The following MDGA2 variants were observed in gnomAD, a reference collection of about 807,000 sequenced individuals.
The protein encoded by MDGA2 is MAM domain containing glycosylphosphatidylinositol anchor 2, also known as MAM domain-containing glycosylphosphatidylinositol anchor protein 2.
In MDGA2, 40 loss-of-function variants were observed where a neutral mutation model predicts 117.8. The observed-to-expected ratio is 0.34, with a 90% confidence interval of 0.26 to 0.44. The LOEUF is 0.44. Among genes scored for constraint, MDGA2 ranks in the 20% least tolerant of loss-of-function variants. The probability of loss-of-function intolerance (pLI) is 1.00; values close to 1 mark genes in which losing one functional copy is unlikely to be tolerated. For synonymous variants in MDGA2, 452 were observed against 439.0 expected, an observed-to-expected ratio of 1.03 and a Z score of -0.37; for missense variants, 1,123 against 1,250.6, an observed-to-expected ratio of 0.90 and a Z score of 1.54.
intron 9 of MDGA2, among the ~76,000 whole-genome samples, chr14:46,953,438 G>A (rs191690374): frequency 6.6e-6 from 1 of 151,744 alleles, no homozygotes; most frequent in Non-Finnish European, 1.5e-5. Context: ...TGCACTTTCT[G>A]GAAGTTAGAA....
intron 1 of MDGA2, among the ~76,000 whole-genome samples, chr14:47,606,017 G>T (rs753931882): frequency 1.3e-5 from 2 of 152,084 alleles, no homozygotes; most frequent in African/African-American, 2.4e-5. Flanking sequence ...AATGGTGCCT[G>T]TTGCCCAAAT....
intron 14 of MDGA2, among the ~76,000 whole-genome samples, chr14:46,866,462 C>T (rs1412503571): frequency 2.6e-5 from 4 of 152,208 alleles, no homozygotes; most frequent in East Asian, 1.9e-4. Flanking sequence ...TAGGCATTAC[C>T]ATTCAGGACA....
intron 8 of MDGA2, among the ~76,000 whole-genome samples, chr14:47,000,666 A>T (rs1887499861): frequency 1.3e-5 from 2 of 151,366 alleles, no homozygotes; most frequent in Admixed American, 6.6e-5. Context: ...CATAAGTTCA[A>T]ATATTAGGTA....
intron 10 of MDGA2, among the ~76,000 whole-genome samples, chr14:46,899,536 CA>C (rs1355638351): frequency 6.6e-6 from 1 of 151,278 alleles, no homozygotes; most frequent in African/African-American, 2.4e-5. Flanking sequence ...ATGTGCTCAC[CA>C]AAAGAATATG....
chr14:47,475,531 G>A (rs1161377779), intron 1 of MDGA2, among the ~76,000 whole-genome samples: 5 of 152,122 alleles, frequency 3.3e-5, no homozygotes, highest in Admixed American at 1.3e-4. Context: ...GCACGTGTAT[G>A]TTCATTGAAG....
chr14:47,486,244 C>G (rs564972200), intron 1 of MDGA2, among the ~76,000 whole-genome samples: 30 of 152,304 alleles, frequency 2.0e-4, no homozygotes, highest in African/African-American at 7.0e-4. Context: ...CAAAGGAGAT[C>G]ATTTTGCAAC....
intron 1 of MDGA2, among the ~76,000 whole-genome samples, chr14:47,477,295 C>T (rs1021069741): frequency 6.6e-6 from 1 of 151,828 alleles, no homozygotes; most frequent in Non-Finnish European, 1.5e-5. Context: ...AGTTTTTAGT[C>T]ATTTTATTTG....
At chr14:47,672,236 T>G (rs2138320533) in intron 1 of MDGA2, among the ~76,000 whole-genome samples, 1 of 152,352 alleles carries the variant, frequency 6.6e-6, no homozygotes, top group South Asian at 2.1e-4. Context: ...GAATACTGAT[T>G]AATATTTTTC....
intron 2 of MDGA2, among the ~76,000 whole-genome samples, chr14:47,252,629 A>C (rs2139646392): frequency 6.6e-6 from 1 of 152,336 alleles, no homozygotes; most frequent in African/African-American, 2.4e-5. Context: ...ATGAAACACA[A>C]GTGCTTACAG....
chr14:47,623,785 C>T (rs866104408), intron 1 of MDGA2, among the ~76,000 whole-genome samples: 1 of 152,132 alleles, frequency 6.6e-6, no homozygotes, highest in Middle Eastern at 3.4e-3. Context: ...TAATTAAAAC[C>T]CAAACTATTA....
At chr14:46,859,804 T>C (rs1458098222) in intron 14 of MDGA2, among the ~76,000 whole-genome samples, 2 of 152,152 alleles carry the variant, frequency 1.3e-5, no homozygotes, top group African/African-American at 4.8e-5. Flanking sequence ...AATATGTTAA[T>C]ATATACGCTT....
rs186405105 is a variant in MDGA2, at chr14:46,887,019, C to G, written c.2239-4798G>C. Among the ~76,000 whole-genome samples, 54 of 152,142 alleles carry G rather than the reference C, an allele frequency of 3.5e-4. 3 individuals carry two copies. The South Asian group carries it at 7.9e-3, about 22-fold the overall frequency. On this transcript the variant is annotated intron_variant, in intron 10 of 16. Transcript: ENST00000399232. ...ACGATCTTTAAAAAGCATCTCCTCT[C>G]CCACATAGTAATTTGGACACAAATA...
At chr14:47,053,645 ATATAT>A (rs1889549682) in intron 7 of MDGA2, among the ~76,000 whole-genome samples, 2 of 68,374 alleles carry the variant, frequency 2.9e-5, no homozygotes, top group Admixed American at 1.5e-4. Context: ...ATATATATAT[ATATAT>A]ATATACACAC....
At chr14:47,177,428 T>G (rs1272044746) in intron 3 of MDGA2, among the ~76,000 whole-genome samples, 67 of 152,158 alleles carry the variant, frequency 4.4e-4, no homozygotes, top group African/African-American at 1.6e-3. Context: ...TAGACTGGAT[T>G]AAGAAAATGT....
At chr14:47,168,973 T>C (rs1459288072) in intron 3 of MDGA2, among the ~76,000 whole-genome samples, 3 of 152,140 alleles carry the variant, frequency 2.0e-5, no homozygotes, top group Non-Finnish European at 4.4e-5. Flanking sequence ...AGTACTCTTT[T>C]ATTGTCTCAT....
At chr14:47,158,175 C>T (rs890540129) in intron 3 of MDGA2, among the ~76,000 whole-genome samples, 12 of 152,218 alleles carry the variant, frequency 7.9e-5, no homozygotes, top group Admixed American at 1.3e-4. Context: ...CACTGTGTTA[C>T]GACTGCTTAC....
intron 1 of MDGA2, among the ~76,000 whole-genome samples, chr14:47,429,301 T>C (rs1019646245): frequency 2.0e-5 from 3 of 151,544 alleles, no homozygotes; most frequent in Admixed American, 6.6e-5. Context: ...TACACACATA[T>C]ATATTTTTAT....
intron 14 of MDGA2, among the ~76,000 whole-genome samples, chr14:46,861,115 C>A (rs903936246): frequency 6.6e-6 from 1 of 151,784 alleles, no homozygotes; most frequent in African/African-American, 2.4e-5. Context: ...TCTTGGGTTG[C>A]ATGACCTTTT....
chr14:47,451,508 T>C (rs756955435), intron 1 of MDGA2, among the ~76,000 whole-genome samples: 2 of 152,130 alleles, frequency 1.3e-5, no homozygotes, highest in Non-Finnish European at 2.9e-5. Context: ...AACTGACTGC[T>C]AAAGCTTCCT....
Sources: allele counts gnomAD v4.1 joint callset (sites outside exome capture counted in the v4.1 genomes callset), GRCh38; gene constraint gnomAD v4.1.1; transcripts MANE v1.5; gene names NCBI Gene and HGNC (gene_info 2026-07-23, HGNC 2026-07-21).